The following PAPPA2 variants were observed in gnomAD, a reference collection of about 807,000 sequenced individuals.
The protein encoded by PAPPA2 is pappalysin 2.
In PAPPA2, 86 loss-of-function variants were observed where a neutral mutation model predicts 176.4. That is an observed-to-expected ratio of 0.49 (90% CI 0.41 to 0.58). PAPPA2 has a LOEUF of 0.58. Among genes scored for constraint, PAPPA2 ranks in the 20% least tolerant of loss-of-function variants. The probability of loss-of-function intolerance (pLI) is 0.00; values close to 1 mark genes in which losing one functional copy is unlikely to be tolerated. For synonymous variants in PAPPA2, 809 were observed against 852.2 expected, an observed-to-expected ratio of 0.95 and a Z score of 0.88; for missense variants, 2,073 against 2,256.9, an observed-to-expected ratio of 0.92 and a Z score of 1.65.
chr1:176,709,068 A>T (rs536718587), intron 10 of PAPPA2, among the ~76,000 whole-genome samples: 1 of 152,192 alleles, frequency 6.6e-6, no homozygotes, highest in African/African-American at 2.4e-5. Context: ...CTATGTATCT[A>T]TAAAGAGTCA....
intron 21 of PAPPA2, among the ~76,000 whole-genome samples, chr1:176,806,897 A>T (rs1665930977): frequency 2.0e-5 from 3 of 152,176 alleles, no homozygotes; most frequent in Admixed American, 1.3e-4. Context: ...TCAGATTTAC[A>T]GCCTTCTTCT....
At chr1:176,586,765 G>A (rs1653336128) in intron 2 of PAPPA2, among the ~76,000 whole-genome samples, 1 of 152,178 alleles carries the variant, frequency 6.6e-6, no homozygotes, top group African/African-American at 2.4e-5. Flanking sequence ...GTGTGCATGT[G>A]TCTTTATAGT....
chr1:176,468,125 T>A (rs930847752), intron 1 of PAPPA2, among the ~76,000 whole-genome samples: 1 of 152,188 alleles, frequency 6.6e-6, no homozygotes, highest in Non-Finnish European at 1.5e-5. Flanking sequence ...TTAGTTTTGC[T>A]GAATTCACAT....
chr1:176,710,249 G>A, intron 11 of PAPPA2, 73 bp downstream of exon 11: 3 of 1,344,904 alleles, frequency 2.2e-6, no homozygotes, highest in South Asian at 1.4e-5. Flanking sequence ...CTTACACTTG[G>A]GGTCTATGTT....
intron 14 of PAPPA2, among the ~76,000 whole-genome samples, chr1:176,752,624 C>T (rs1663237746): frequency 6.6e-6 from 1 of 152,132 alleles, no homozygotes; most frequent in African/African-American, 2.4e-5. Context: ...ATTTAGTCAC[C>T]TTCATTGTCT....
chr1:176,592,013 A>G (rs1653697537), intron 2 of PAPPA2, among the ~76,000 whole-genome samples: 1 of 152,178 alleles, frequency 6.6e-6, no homozygotes, highest in African/African-American at 2.4e-5. Flanking sequence ...ATATGGTATA[A>G]GCTCTCAATA....
At chr1:176,819,790 C>T (rs563695580) in intron 21 of PAPPA2, among the ~76,000 whole-genome samples, 72 of 152,294 alleles carry the variant, frequency 4.7e-4, no homozygotes, top group South Asian at 2.3e-3. Context: ...AAAGCTGCAG[C>T]GTGATCTGAT....
At chr1:176,769,446 T>C (rs1180964915) in intron 15 of PAPPA2, among the ~76,000 whole-genome samples, 161 bp from the exon 16 acceptor site, 1 of 152,184 alleles carries the variant, frequency 6.6e-6, no homozygotes, top group Non-Finnish European at 1.5e-5. Flanking sequence ...GTTGTAAGAA[T>C]GTATATTAAA....
intron 3 of PAPPA2, among the ~76,000 whole-genome samples, chr1:176,663,953 T>C (rs908470481): frequency 6.6e-6 from 1 of 152,182 alleles, no homozygotes; most frequent in Non-Finnish European, 1.5e-5. Context: ...GGTCTCTTGA[T>C]ATGGTGGGTA....
chr1:176,701,275 T>G (rs1660640794), intron 8 of PAPPA2, among the ~76,000 whole-genome samples: 1 of 152,236 alleles, frequency 6.6e-6, no homozygotes, highest in Admixed American at 6.5e-5. Flanking sequence ...TACCTGCCGC[T>G]GAGTTTTTCC....
chr1:176,672,041 C>T (rs1434129986), intron 4 of PAPPA2, among the ~76,000 whole-genome samples: 3 of 149,668 alleles, frequency 2.0e-5, no homozygotes, highest in Non-Finnish European at 3.0e-5. Flanking sequence ...TGCACATGTA[C>T]CCTAAAACTT....
At chr1:176,797,162 A>T (rs1665479619) in intron 20 of PAPPA2, among the ~76,000 whole-genome samples, 1 of 152,234 alleles carries the variant, frequency 6.6e-6, no homozygotes, top group South Asian at 2.1e-4. Context: ...AATTCAGAAT[A>T]GTTGTTACCA....
At chr1:176,836,413 G>T (rs1050675458) in intron 21 of PAPPA2, among the ~76,000 whole-genome samples, 1 of 152,150 alleles carries the variant, frequency 6.6e-6, no homozygotes, top group Admixed American at 6.5e-5. Context: ...CCAACCTGTA[G>T]GTTAGTAATG....
chr1:176,630,401 G>A (rs2102707398), intron 3 of PAPPA2, among the ~76,000 whole-genome samples: 1 of 152,298 alleles, frequency 6.6e-6, no homozygotes, highest in East Asian at 1.9e-4. Context: ...TAAAGCTAGA[G>A]TAAAGGATAT....
chr1:176,549,695 G>C (rs888967657), intron 1 of PAPPA2, among the ~76,000 whole-genome samples: 1 of 152,174 alleles, frequency 6.6e-6, no homozygotes, highest in African/African-American at 2.4e-5. Context: ...GATGGCCAGT[G>C]GAGAGTTCAG....
At position 176,740,209 on chromosome 1, in the gene PAPPA2, C is replaced by A. The variant is rs1662614022; in HGVS notation, c.4151+13C>A. ...ATCAGGGACAGAGGTACAAACTTCC[C>A]TTTCTTTCTTTTGTTTCCTTTTCTT... On this transcript the variant is annotated intron_variant, in intron 14 of 22. Coordinates refer to ENST00000367662, the MANE Select transcript of PAPPA2 (RefSeq NM_020318.3). The A allele has an allele frequency of 6.2e-7, 1 of 1,607,292 alleles. No homozygotes were observed. Among genetic ancestry groups the A allele is most frequent in the African/African-American group, 1.3e-5 (1 of 74,710 alleles).
intron 21 of PAPPA2, among the ~76,000 whole-genome samples, chr1:176,810,096 G>A (rs1383133967): frequency 1.3e-5 from 2 of 151,986 alleles, no homozygotes; most frequent in Non-Finnish European, 2.9e-5. Flanking sequence ...GTTCTAAAAA[G>A]TGAAATGAAA....
intron 1 of PAPPA2, among the ~76,000 whole-genome samples, chr1:176,549,843 C>A (rs1191929965): frequency 6.6e-6 from 1 of 152,188 alleles, no homozygotes; most frequent in Non-Finnish European, 1.5e-5. Context: ...ATCTGCCCAC[C>A]CCCACAACAT....
chr1:176,651,220 A>G (rs1657701058), intron 3 of PAPPA2, among the ~76,000 whole-genome samples: 1 of 151,594 alleles, frequency 6.6e-6, no homozygotes, highest in Non-Finnish European at 1.5e-5. Context: ...TAATTTTAAT[A>G]GTGGGTTTTA....
Sources: gnomAD v4.1 joint callset for allele counts (sites outside exome capture counted in the v4.1 genomes callset) on GRCh38, gnomAD v4.1.1 for gene constraint, MANE v1.5 for transcripts, NCBI Gene and HGNC (gene_info 2026-07-23, HGNC 2026-07-21) for gene names.